VWA8: variants seen among roughly 807,000 people sequenced by gnomAD.
The protein encoded by VWA8 is von Willebrand factor A domain containing 8, also known as von Willebrand factor A domain-containing protein 8.
In VWA8, 221 loss-of-function variants were observed where a neutral mutation model predicts 241.5. The ratio of observed to expected loss-of-function variants is 0.91; its 90% CI spans 0.82 to 1.02. VWA8 has a LOEUF of 1.02. Among genes scored for constraint, VWA8 ranks in the 50% least tolerant of loss-of-function variants. VWA8 has a pLI of 0.00. For synonymous variants in VWA8, 852 were observed against 827.1 expected, an observed-to-expected ratio of 1.03 and a Z score of -0.52; for missense variants, 2,322 against 2,328.7, an observed-to-expected ratio of 1.00 and a Z score of 0.06.
chr13:41,893,369 GATC>G (rs998944562), intron 4 of VWA8, among the ~76,000 whole-genome samples: 7 of 150,654 alleles, frequency 4.6e-5, no homozygotes, highest in African/African-American at 1.7e-4. Context: ...TCCATTTTAA[GATC>G]ATTTCATGAA....
At position 41,635,064 on chromosome 13, in the gene VWA8, G is replaced by A. The variant is rs550786600; in HGVS notation, c.4612-19980C>T. Among the ~76,000 whole-genome samples, 67 of 152,206 alleles carry A rather than the reference G, an allele frequency of 4.4e-4. 1 individual carries two copies. In the South Asian group the frequency reaches 0.013, roughly 30 times the overall value. ...TTTTCTTCACCTAAAAAAATGAGGGGGACAGTTGGCAGAAATGCAATTCAA... is the reference window on the plus strand; with the variant it reads ...TTTTCTTCACCTAAAAAAATGAGGGAGACAGTTGGCAGAAATGCAATTCAA... On this transcript the variant is annotated intron_variant, in intron 37 of 44. Transcript: ENST00000379310.
chr13:41,741,706 G>A (rs868192565), intron 21 of VWA8, among the ~76,000 whole-genome samples: 2 of 152,046 alleles, frequency 1.3e-5, no homozygotes, highest in East Asian at 1.9e-4. Flanking sequence ...ATTATAAAAC[G>A]AATTATATTT....
intron 12 of VWA8, among the ~76,000 whole-genome samples, chr13:41,837,966 A>G (rs73185309): frequency 0.019 from 2,896 of 152,306 alleles, 44 homozygotes; most frequent in Non-Finnish European, 0.03. Context: ...ACCACTGTCT[A>G]ACCTTGAACA....
intron 9 of VWA8, among the ~76,000 whole-genome samples, chr13:41,878,146 G>T (rs1873990395): frequency 6.6e-6 from 1 of 151,724 alleles, no homozygotes; most frequent in African/African-American, 2.4e-5. Context: ...ATTTATCAAG[G>T]AAAAGTTAAT....
At chr13:41,684,411 A>C (rs570988560) in intron 35 of VWA8, among the ~76,000 whole-genome samples, 1 of 152,152 alleles carries the variant, frequency 6.6e-6, no homozygotes, top group Non-Finnish European at 1.5e-5. Flanking sequence ...GATGAATGCC[A>C]GTGTGGTTCA....
At chr13:41,604,992 T>G (rs1555307609) in intron 40 of VWA8, among the ~76,000 whole-genome samples, 176 bp downstream of exon 40, 1 of 152,026 alleles carries the variant, frequency 6.6e-6, no homozygotes, top group Non-Finnish European at 1.5e-5. Flanking sequence ...ACAGAATACA[T>G]ACACTGGATG....
chr13:41,751,229 G>C (rs2045653985), intron 21 of VWA8, among the ~76,000 whole-genome samples: 1 of 152,144 alleles, frequency 6.6e-6, no homozygotes, highest in South Asian at 2.1e-4. Context: ...TGGAAAAGTA[G>C]AGGAACTGCC....
intron 29 of VWA8, 47 bp downstream of exon 29, chr13:41,699,023 CT>C: frequency 1.2e-6 from 2 of 1,610,908 alleles, no homozygotes; most frequent in Non-Finnish European, 1.7e-6. Flanking sequence ...TCACTCTTGC[CT>C]TTCATGTAAG....
chr13:41,664,823 CTGT>C lies in VWA8; in HGVS notation c.4611+6120_4611+6122del, dbSNP rs367754786. Among the ~76,000 whole-genome samples, 17 of 152,202 alleles carry C rather than the reference CTGT, an allele frequency of 1.1e-4. 1 individual carries two copies. In the East Asian group the frequency reaches 1.2e-3, roughly 10 times the overall value. On this transcript the variant is annotated intron_variant, in intron 37 of 44. Transcript: ENST00000379310. ...TCCAATTTGCCCTGTGTTTTTGTTG[CTGT>C]TGTTGTTGTTTTCCTGTTTTCTACT...
chr13:41,703,229 G>A, intron 27 of VWA8, 74 bp downstream of exon 27: 1 of 1,168,880 alleles, frequency 8.6e-7, no homozygotes. Flanking sequence ...GAGATTGTTT[G>A]AATTATCTCC....
intron 1 of VWA8, among the ~76,000 whole-genome samples, chr13:41,950,708 A>C (rs923789218): frequency 8.5e-6 from 1 of 117,578 alleles, no homozygotes. Flanking sequence ...TTATTCTGCC[A>C]CCCAGGCTGG....
At chr13:41,812,134 T>C (rs1232140053) in intron 16 of VWA8, among the ~76,000 whole-genome samples, 1 of 152,152 alleles carries the variant, frequency 6.6e-6, no homozygotes, top group African/African-American at 2.4e-5. Flanking sequence ...AAGGTTGTTA[T>C]GAAGGTTAAA....
chr13:41,956,520 G>A (rs1878359588), intron 1 of VWA8, among the ~76,000 whole-genome samples: 1 of 152,114 alleles, frequency 6.6e-6, no homozygotes, highest in Non-Finnish European at 1.5e-5. Context: ...AAAATAACCT[G>A]CTGCAGGTTT....
intron 27 of VWA8, 75 bp downstream of exon 27, chr13:41,703,228 T>G: frequency 8.6e-7 from 1 of 1,159,772 alleles, no homozygotes; most frequent in Non-Finnish European, 1.3e-6. Flanking sequence ...TGAGATTGTT[T>G]GAATTATCTC....
intron 5 of VWA8, 129 bp from the exon 6 acceptor site, chr13:41,887,490 ACT>A: frequency 9.9e-7 from 1 of 1,005,870 alleles, no homozygotes. Flanking sequence ...TCAAATCCAT[ACT>A]GTCAAGGAAG....
At chr13:41,922,672 A>T (rs985020861) in intron 2 of VWA8, among the ~76,000 whole-genome samples, 1 of 152,252 alleles carries the variant, frequency 6.6e-6, no homozygotes, top group African/African-American at 2.4e-5. Flanking sequence ...CAGCCAAAAG[A>T]CACATGAAAA....
intron 2 of VWA8, among the ~76,000 whole-genome samples, chr13:41,938,115 C>T (rs1336170798): frequency 6.7e-5 from 10 of 150,050 alleles, no homozygotes; most frequent in Admixed American, 1.3e-4. Context: ...GAGCCGAGAT[C>T]GCCACTGCAC....
chr13:41,776,694 G>A (rs1198987545), intron 20 of VWA8, among the ~76,000 whole-genome samples: 1 of 152,140 alleles, frequency 6.6e-6, no homozygotes, highest in Non-Finnish European at 1.5e-5. Context: ...TTAGCCCAAA[G>A]GGACCATACT....
At chr13:41,670,664 C>G (rs1348935254) in intron 37 of VWA8, among the ~76,000 whole-genome samples, 1 of 152,046 alleles carries the variant, frequency 6.6e-6, no homozygotes, top group African/African-American at 2.4e-5. Flanking sequence ...CTGGTTAGAG[C>G]TTAAGGTTAA....
Sources: allele counts gnomAD v4.1 joint callset (sites outside exome capture counted in the v4.1 genomes callset), GRCh38; gene constraint gnomAD v4.1.1; transcripts MANE v1.5; gene names NCBI Gene and HGNC (gene_info 2026-07-23, HGNC 2026-07-21).